Variants in SNCAIP observed in about 807,000 individuals in gnomAD.
SNCAIP encodes synphilin-1.
In SNCAIP, 43 loss-of-function variants were observed where a neutral mutation model predicts 86.7. That is an observed-to-expected ratio of 0.50 (90% confidence interval 0.39 to 0.64). The LOEUF is 0.64. SNCAIP is among the 30% of genes least tolerant of loss of function. SNCAIP has a pLI of 0.00. For missense variants in SNCAIP, 981 were observed against 1,103.1 expected (o/e 0.89, Z 1.57); for synonymous variants, 417 against 427.2 (o/e 0.98, Z 0.29).
intron 1 of SNCAIP, among the ~76,000 whole-genome samples, chr5:122,352,233 A>G (rs747363685): frequency 3.3e-5 from 5 of 152,196 alleles, no homozygotes; most frequent in Non-Finnish European, 7.3e-5. Context: ...CTGCTTGCCT[A>G]AAAGTCTCAA....
rs1366463748 is a variant in SNCAIP at position 122,451,261 on chromosome 5, A to G, written c.2414A>G (p.Lys805Arg). 6.2e-7 allele frequency: 1 copy of G among 1,614,142 alleles called. No homozygotes were observed. The highest frequency in any genetic ancestry group is 8.5e-7 in the Non-Finnish European group (1 of 1,180,018). Residue 805 changes from lysine to arginine, a missense_variant, in exon 10 of 11, where the codon AAG (lysine) becomes AGG (arginine). Physicochemically the swap from Lys to Arg is conservative, Grantham distance 26. Coordinates refer to ENST00000261368, the MANE Select transcript of SNCAIP (RefSeq NM_005460.4). ...AGTGCCCTCAAGTCTCCATCTTCCA[A>G]GCGTAGGACATCTCAGAACTTAAAA... is the stretch of plus-strand genomic sequence containing the variant. ...PKSALKSPSS[K>R]RRTSQNLKLR...
intron 2 of SNCAIP, among the ~76,000 whole-genome samples, chr5:122,392,255 T>C (rs1474189992): frequency 6.6e-6 from 1 of 152,210 alleles, no homozygotes; most frequent in African/African-American, 2.4e-5. Context: ...AGTCTTTTTT[T>C]TTTGTACCAG....
intron 3 of SNCAIP, 78 bp from the exon 4 acceptor site, chr5:122,422,790 A>G (rs1776647107): frequency 8.4e-7 from 1 of 1,185,816 alleles, no homozygotes; most frequent in African/African-American, 1.5e-5. Flanking sequence ...AATGTGAATG[A>G]ACCACATCTA....
intron 10 of SNCAIP, among the ~76,000 whole-genome samples, chr5:122,462,871 C>T (rs1181030310): frequency 6.6e-6 from 1 of 152,184 alleles, no homozygotes; most frequent in Non-Finnish European, 1.5e-5. Context: ...TGCACCTACC[C>T]AAGGGAAAAT....
At chr5:122,392,467 A>G (rs1359708324) in intron 2 of SNCAIP, among the ~76,000 whole-genome samples, 1 of 152,016 alleles carries the variant, frequency 6.6e-6, no homozygotes, top group Admixed American at 6.5e-5. Flanking sequence ...ACTTGGAAGC[A>G]TTCAAAGCAA....
chr5:122,342,020 A>G (rs1296180472), intron 1 of SNCAIP, among the ~76,000 whole-genome samples: 1 of 152,106 alleles, frequency 6.6e-6, no homozygotes, highest in East Asian at 1.9e-4. Flanking sequence ...ATCCCCCTCT[A>G]AGAGGGTGGA....
intron 1 of SNCAIP, among the ~76,000 whole-genome samples, chr5:122,381,424 C>T (rs1336547434): frequency 7.9e-5 from 11 of 138,464 alleles, no homozygotes; most frequent in African/African-American, 1.6e-4. Context: ...TTATTTTGAG[C>T]CTATGTGTGT....
chr5:122,444,213 C>T (rs1223405388), intron 7 of SNCAIP: 2 of 475,822 alleles, frequency 4.2e-6, no homozygotes, highest in Admixed American at 2.3e-5. Context: ...TCCAGTCTCC[C>T]CCTCTTACAG....
rs142055390 is a variant in SNCAIP, at chr5:122,368,110, A to G, written c.-46-22979A>G. 1.7e-3 allele frequency among the ~76,000 whole-genome samples: 252 copies of G among 152,250 alleles called. 3 individuals carry two copies. Among genetic ancestry groups the G allele is most frequent in the African/African-American group, 5.1e-3 (213 of 41,542 alleles). The stretch of plus-strand genomic sequence containing the variant: ...AATTAACAGACTTTGTCATTCTGAT[A>G]GATTGGCCTAGAGAGTGGCAAGTAT... On this transcript the variant is annotated intron_variant, in intron 1 of 10. Coordinates refer to ENST00000261368, the MANE Select transcript of SNCAIP (RefSeq NM_005460.4).
At chr5:122,364,328 C>T (rs758992976) in intron 1 of SNCAIP, among the ~76,000 whole-genome samples, 60 of 152,204 alleles carry the variant, frequency 3.9e-4, no homozygotes, top group Non-Finnish European at 4.1e-4. Flanking sequence ...TATTCCTTTA[C>T]TTTCTTAATA....
At chr5:122,415,629 C>T (rs980268864) in intron 3 of SNCAIP, among the ~76,000 whole-genome samples, 1 of 152,176 alleles carries the variant, frequency 6.6e-6, no homozygotes, top group African/African-American at 2.4e-5. Flanking sequence ...CTCCTGTTCT[C>T]TCTTACCAAG....
chr5:122,430,704 TG>T (rs1371400697), intron 5 of SNCAIP, among the ~76,000 whole-genome samples: 2 of 152,292 alleles, frequency 1.3e-5, no homozygotes, highest in Admixed American at 1.3e-4. Context: ...GATTGCTTTT[TG>T]AGAGAAGTTT....
At chr5:122,461,129 A>G (rs1011533247) in intron 10 of SNCAIP, among the ~76,000 whole-genome samples, 1 of 152,198 alleles carries the variant, frequency 6.6e-6, no homozygotes, top group African/African-American at 2.4e-5. Flanking sequence ...TGTTTGACTC[A>G]GTATAGGATT....
At chr5:122,444,845 T>A in intron 8 of SNCAIP, 113 bp downstream of exon 8, 1 of 866,154 alleles carries the variant, frequency 1.2e-6, no homozygotes, top group Non-Finnish European at 1.9e-6. Context: ...AGGGAATTCC[T>A]AGCATTCTCC....
chr5:122,346,476 A>G (rs2152733096), intron 1 of SNCAIP, among the ~76,000 whole-genome samples: 2 of 152,222 alleles, frequency 1.3e-5, no homozygotes, highest in Middle Eastern at 6.8e-3. Flanking sequence ...TAGGATTCCA[A>G]TGTTAGCAGT....
intron 1 of SNCAIP, among the ~76,000 whole-genome samples, chr5:122,319,077 ACT>A (rs1315892629): frequency 1.3e-5 from 2 of 150,396 alleles, no homozygotes; most frequent in East Asian, 3.9e-4. Context: ...GTGGCCAGAC[ACT>A]CACCTGAGTT....
rs1787100520 is a variant in SNCAIP, at chr5:122,464,211, C to T, written c.*715C>T. The T allele has an allele frequency of 6.6e-6, 1 of 152,152 alleles. No homozygotes were observed. The highest frequency in any genetic ancestry group is 1.5e-5 in the Non-Finnish European group (1 of 68,014). 9.4% of individuals were successfully genotyped at this position (152,152 alleles called of 1,614,324 possible). Reference sequence around the variant, plus strand: ...GCGTCAAATAAAACATTCTATATTTCATTAAGTACTAAAGGATCAGACAAG... The same window carrying T: ...GCGTCAAATAAAACATTCTATATTTTATTAAGTACTAAAGGATCAGACAAG... On this transcript the variant is annotated 3_prime_UTR_variant, in exon 11 of 11. Transcript: ENST00000261368.
rs561156742 is a variant in SNCAIP, at chr5:122,345,678, G to A, written c.-47+33394G>A. ...TGGACTCCAACATTGCTCAACACCCGGAGTCAGGGGATTTGTTGTTGTTGT... is the reference window on the plus strand; with the variant it reads ...TGGACTCCAACATTGCTCAACACCCAGAGTCAGGGGATTTGTTGTTGTTGT... On this transcript the variant is annotated intron_variant, in intron 1 of 10. Coordinates refer to ENST00000261368, the MANE Select transcript of SNCAIP (RefSeq NM_005460.4). Among the ~76,000 whole-genome samples the A allele has an allele frequency of 9.0e-5, 13 of 145,006 alleles. No homozygotes were observed. In the South Asian group the frequency reaches 9.0e-4, roughly 10 times the overall value.
At chr5:122,406,402 G>C (rs1272516976) in intron 3 of SNCAIP, among the ~76,000 whole-genome samples, 1 of 152,132 alleles carries the variant, frequency 6.6e-6, no homozygotes, top group Non-Finnish European at 1.5e-5. Context: ...CTTTGGGATG[G>C]GGCACTCTCA....
Sources: allele counts gnomAD v4.1 joint callset (sites outside exome capture counted in the v4.1 genomes callset), GRCh38; gene constraint gnomAD v4.1.1; transcripts MANE v1.5; gene names NCBI Gene and HGNC (gene_info 2026-07-23, HGNC 2026-07-21).